ZFPM1: variants seen among roughly 807,000 people sequenced by gnomAD.
The protein encoded by ZFPM1 is zinc finger protein, FOG family member 1, also known as zinc finger protein ZFPM1.
Under a neutral mutation model 46.3 loss-of-function variants are expected in ZFPM1, and 28 were observed. The ratio of observed to expected loss-of-function variants is 0.60; its 90% CI spans 0.45 to 0.83. The LOEUF (loss-of-function observed/expected upper bound fraction) is 0.83. ZFPM1 is among the 40% of genes least tolerant of loss of function. ZFPM1 has a pLI of 0.00. For missense variants in ZFPM1, 1,878 were observed against 1,432.4 expected (o/e 1.31, Z -5.02); for synonymous variants, 957 against 675.9 (o/e 1.42, Z -6.45).
chr16:88,521,819 GTGCTGTTCCCTCCCCTA>G (rs1567550899), intron 4 of ZFPM1, among the ~76,000 whole-genome samples: 15 of 127,162 alleles, frequency 1.2e-4, no homozygotes, highest in Non-Finnish European at 1.9e-4. Flanking sequence ...TCCCTCCCCT[GTGCTGTTCCCTCCCCTA>G]TGCTGTTCCC....
At chr16:88,475,513 CG>C (rs36025032) in intron 1 of ZFPM1, among the ~76,000 whole-genome samples, 13 of 146,612 alleles carry the variant, frequency 8.9e-5, no homozygotes, top group East Asian at 4.1e-4. Context: ...GGCAGGGGTC[CG>C]GGGGGGGGAG....
chr16:88,487,178 C>T (rs1424328855), intron 2 of ZFPM1, among the ~76,000 whole-genome samples: 1 of 152,156 alleles, frequency 6.6e-6, no homozygotes, highest in Non-Finnish European at 1.5e-5. Flanking sequence ...GGAGAAGGGG[C>T]CTCCCTGGGA....
At chr16:88,510,191 G>A (rs1910877090) in intron 3 of ZFPM1, among the ~76,000 whole-genome samples, 1 of 152,178 alleles carries the variant, frequency 6.6e-6, no homozygotes, top group Non-Finnish European at 1.5e-5. Context: ...GAGGCTCAGA[G>A]CACACACAAC....
intron 3 of ZFPM1, among the ~76,000 whole-genome samples, chr16:88,498,666 C>T (rs893973495): frequency 6.6e-6 from 1 of 152,192 alleles, no homozygotes; most frequent in African/African-American, 2.4e-5. Flanking sequence ...AAACGGTGTC[C>T]CAGGCCGAGG....
At chr16:88,498,877 C>T (rs1408140728) in intron 3 of ZFPM1, among the ~76,000 whole-genome samples, 1 of 152,210 alleles carries the variant, frequency 6.6e-6, no homozygotes, top group African/African-American at 2.4e-5. Context: ...CTGCCCCTGG[C>T]CCTGAGCCTT....
At chr16:88,484,920 T>C (rs1909134844) in intron 1 of ZFPM1, among the ~76,000 whole-genome samples, 1 of 152,082 alleles carries the variant, frequency 6.6e-6, no homozygotes, top group South Asian at 2.1e-4. Context: ...CTCCTGGAGT[T>C]CCCCCACCCC....
chr16:88,454,555 C>T (rs1427588767), intron 1 of ZFPM1, among the ~76,000 whole-genome samples: 9 of 152,242 alleles, frequency 5.9e-5, no homozygotes, highest in Admixed American at 5.9e-4. Context: ...TCTCGCTGGT[C>T]CGGCTCCCTG....
intron 7 of ZFPM1, 129 bp downstream of exon 7, chr16:88,532,364 C>T (rs909539236): frequency 1.9e-6 from 2 of 1,030,582 alleles, no homozygotes; most frequent in African/African-American, 1.6e-5. Context: ...GTCTCCGGCA[C>T]ACCCAGGGCC....
chr16:88,472,064 C>T (rs1221443875), intron 1 of ZFPM1, among the ~76,000 whole-genome samples: 4 of 152,220 alleles, frequency 2.6e-5, no homozygotes, highest in African/African-American at 9.6e-5. Context: ...CAGGTCACCT[C>T]AGCTGGGCTC....
intron 3 of ZFPM1, among the ~76,000 whole-genome samples, chr16:88,495,868 A>T (rs1194116128): frequency 6.6e-6 from 1 of 152,070 alleles, no homozygotes; most frequent in Admixed American, 6.5e-5. Flanking sequence ...ACAAAATGCA[A>T]CTGGGCCATG....
chr16:88,533,321 C>A lies in ZFPM1; in HGVS notation c.1363C>A (p.Pro455Thr), dbSNP rs1435134637. The change falls in exon 10 of 10, where the codon CCC (proline) becomes ACC (threonine). Residue 455 changes from proline to threonine, a missense_variant. Coordinates refer to ENST00000319555, the MANE Select transcript of ZFPM1 (RefSeq NM_153813.3). ...GGCCCAGAATGGAGGCAGCAGCGAG[C>A]CCCCGGCGGCCCCCAGGAGCATCAA... ...PLAQNGGSSEPPAAPRSIKVE... is the reference protein window; with the variant it reads ...PLAQNGGSSETPAAPRSIKVE... The A allele has an allele frequency of 3.9e-6, 6 of 1,527,966 alleles. No homozygotes were observed. Among genetic ancestry groups the A allele is most frequent in the South Asian group, 3.6e-5 (3 of 83,328 alleles). The allele number at this position is 1,527,966 out of a possible 1,614,324, so 94.7% of individuals were successfully genotyped here.
upstream of ZFPM1, among the ~76,000 whole-genome samples, chr16:88,452,135 G>C (rs1056855880): frequency 6.6e-6 from 1 of 152,196 alleles, no homozygotes; most frequent in Non-Finnish European, 1.5e-5. Flanking sequence ...TGAGTACGGG[G>C]GATGGGGGAG....
At chr16:88,458,550 G>A (rs1359157517) in intron 1 of ZFPM1, among the ~76,000 whole-genome samples, 6 of 152,206 alleles carry the variant, frequency 3.9e-5, no homozygotes, top group African/African-American at 7.2e-5. Context: ...CCAACCAGAC[G>A]TTCCTGGGCT....
At chr16:88,516,614 T>C in intron 4 of ZFPM1, 3 of 398,692 alleles carry the variant, frequency 7.5e-6, no homozygotes, top group Admixed American at 4.4e-5. Context: ...ACAAGATGAT[T>C]GATTTCTTCA....
chr16:88,529,912 G>A (rs898669271), intron 6 of ZFPM1, among the ~76,000 whole-genome samples: 1 of 152,200 alleles, frequency 6.6e-6, no homozygotes, highest in African/African-American at 2.4e-5. Flanking sequence ...TGGTGACACT[G>A]GAGAGAACGG....
chr16:88,481,379 C>T (rs1283833571), intron 1 of ZFPM1, among the ~76,000 whole-genome samples: 1 of 152,176 alleles, frequency 6.6e-6, no homozygotes, highest in African/African-American at 2.4e-5. Context: ...GTGCTGGGTG[C>T]AGGTCTGAAA....
chr16:88,467,550 G>T (rs1372871113), intron 1 of ZFPM1, among the ~76,000 whole-genome samples: 4 of 152,256 alleles, frequency 2.6e-5, no homozygotes, highest in East Asian at 3.9e-4. Context: ...TCAAGGAGCT[G>T]ATGGTGTAGA....
At chr16:88,509,398 G>A (rs1232098572) in intron 3 of ZFPM1, among the ~76,000 whole-genome samples, 2 of 152,232 alleles carry the variant, frequency 1.3e-5, no homozygotes, top group Non-Finnish European at 2.9e-5. Flanking sequence ...CAACCACAGA[G>A]CCCACCATCT....
chr16:88,524,570 C>T (rs915946279), intron 4 of ZFPM1, among the ~76,000 whole-genome samples: 51 of 152,250 alleles, frequency 3.3e-4, no homozygotes, highest in African/African-American at 1.2e-3. Flanking sequence ...GTGGACGGCA[C>T]CCCATGCCCA....
Sources: gnomAD v4.1 joint callset for allele counts (sites outside exome capture counted in the v4.1 genomes callset) on GRCh38, gnomAD v4.1.1 for gene constraint, MANE v1.5 for transcripts, NCBI Gene and HGNC (gene_info 2026-07-23, HGNC 2026-07-21) for gene names.